The following IFNAR1 variants were observed in gnomAD, a reference collection of about 807,000 sequenced individuals.
The protein encoded by IFNAR1 is interferon alpha and beta receptor subunit 1, also known as interferon alpha/beta receptor 1.
In IFNAR1, 47 loss-of-function variants were observed where a neutral mutation model predicts 62.1. That is an observed-to-expected ratio of 0.76 (90% CI 0.60 to 0.97). IFNAR1 has a LOEUF of 0.97. Among genes scored for constraint, IFNAR1 ranks in the 50% least tolerant of loss-of-function variants. IFNAR1 has a pLI of 0.00. For synonymous variants in IFNAR1, 219 were observed against 226.9 expected (o/e 0.97, Z 0.31); for missense variants, 638 against 654.5 (o/e 0.97, Z 0.27).
At chr21:33,335,683 C>A in intron 2 of IFNAR1, 36 bp downstream of exon 2, 2 of 1,461,470 alleles carry the variant, frequency 1.4e-6, no homozygotes, top group Non-Finnish European at 1.8e-6. Context: ...TCAGAATGAC[C>A]TGAATAATTT....
In IFNAR1 at chr21:33,358,458, T is replaced by C. The variant is rs568085067; in HGVS notation, c.*2909T>C. 3.3e-5 allele frequency: 5 copies of C among 152,128 alleles called. No homozygotes were observed. The highest frequency in any genetic ancestry group is 3.4e-3 in the Middle Eastern group (1 of 294). 9.4% of individuals were successfully genotyped at this position (152,128 alleles called of 1,614,324 possible). A position where few individuals can be genotyped will look rare whatever the true frequency, so the allele number is the denominator to read the frequency against. On this transcript the variant is annotated 3_prime_UTR_variant, in exon 11 of 11. Transcript: ENST00000270139. The stretch of plus-strand genomic sequence containing the variant: ...ATTAGAGCCAGAAATAATTTTATAT[T>C]AATATATAATACAGATTAACATTAT...
chr21:33,325,234 G>A (rs1350300762), intron 1 of IFNAR1, 103 bp downstream of exon 1: 1 of 991,228 alleles, frequency 1.0e-6, no homozygotes, highest in South Asian at 1.4e-5. Flanking sequence ...GCCCAGTCTG[G>A]GAAACCTTCG....
At chr21:33,327,312 GATATA>G (rs1265235168) in intron 1 of IFNAR1, among the ~76,000 whole-genome samples, 1 of 152,206 alleles carries the variant, frequency 6.6e-6, no homozygotes, top group African/African-American at 2.4e-5. Flanking sequence ...CAGGTGGCAA[GATATA>G]ATTTATAGGC....
intron 1 of IFNAR1, among the ~76,000 whole-genome samples, chr21:33,330,952 A>C (rs984038052): frequency 1.3e-5 from 2 of 152,220 alleles, no homozygotes; most frequent in Non-Finnish European, 2.9e-5. Context: ...CCAGAGAAGG[A>C]GCCAACACTG....
Position 33,343,632 on chromosome 21 carries a change from G to A in IFNAR1, c.629G>A (p.Trp210Ter). 6.2e-7 allele frequency: 1 copy of A among 1,609,084 alleles called. No individual in the cohort carries two copies. The highest frequency in any genetic ancestry group is 8.5e-7 in the Non-Finnish European group (1 of 1,175,728). Reference sequence around the variant, plus strand: ...GTTAAAGCAGCACTACTTACGTCATGGAAAATTGGTGTCTATAGTCCAGTA... The same window carrying A: ...GTTAAAGCAGCACTACTTACGTCATAGAAAATTGGTGTCTATAGTCCAGTA... ...LKVKAALLTS[W>*]KIGVYSPVHC... Residue 210 changes from tryptophan to a stop codon, truncating the protein, a stop_gained, in exon 5 of 11, where the codon TGG (tryptophan) becomes TAG (stop). Coordinates refer to ENST00000270139, the MANE Select transcript of IFNAR1 (RefSeq NM_000629.3). LOFTEE classifies it high-confidence loss of function.
At position 33,349,208 on chromosome 21, in the gene IFNAR1, T is replaced by C; in HGVS notation, c.906T>C (p.Ile302=). 1.2e-6 allele frequency: 2 copies of C among 1,613,594 alleles called. No homozygotes were observed. The highest frequency in any genetic ancestry group is 1.7e-6 in the Non-Finnish European group (2 of 1,179,676). Residue 302 remains isoleucine (I), a synonymous_variant, in exon 7 of 11, where the codon ATT becomes ATC. Transcript: ENST00000270139. ...VFPQNVFQKG[I]YLLRVQASDG... is the part of the protein sequence containing the mutation. ...CTCAAAACGTTTTCCAAAAAGGAAT[T>C]TACCTTCTCCGCGTACAAGCATCTG... is the stretch of plus-strand genomic sequence containing the variant.
chr21:33,325,260 C>A, intron 1 of IFNAR1, 129 bp downstream of exon 1: 1 of 812,866 alleles, frequency 1.2e-6, no homozygotes, highest in Non-Finnish European at 2.0e-6. Flanking sequence ...CTTTGCCGCG[C>A]CAAAGATTAA....
chr21:33,330,989 C>T lies in IFNAR1; in HGVS notation c.77-4535C>T, dbSNP rs115096275. On this transcript the variant is annotated intron_variant, in intron 1 of 10. Coordinates refer to ENST00000270139, the MANE Select transcript of IFNAR1 (RefSeq NM_000629.3). ...GCTCCACCTGCTGTGGCCCACACAG[C>T]TACTGTGCCACTCCACCTTGGAACT... Among the ~76,000 whole-genome samples the T allele has an allele frequency of 2.0e-3, 306 of 152,328 alleles. 1 individual carries two copies. Among genetic ancestry groups the T allele is most frequent in the African/African-American group, 6.9e-3 (288 of 41,570 alleles).
rs1416534790 is a variant in IFNAR1, at chr21:33,343,639, T to G, written c.636T>G (p.Ile212Met). 1.2e-6 allele frequency: 2 copies of G among 1,609,518 alleles called. No homozygotes were observed. ...VKAALLTSWKIGVYSPVHCIK... is the reference protein window; with the variant it reads ...VKAALLTSWKMGVYSPVHCIK... ...CAGCACTACTTACGTCATGGAAAAT[T>G]GGTGTCTATAGTCCAGTACATTGTA... is the stretch of plus-strand genomic sequence containing the variant. Residue 212 changes from isoleucine to methionine, a missense_variant, in exon 5 of 11, where the codon ATT (isoleucine) becomes ATG (methionine). Transcript: ENST00000270139.
chr21:33,341,135 T>C lies in IFNAR1; in HGVS notation c.337T>C (p.Ser113Pro). ...RIRAEKENTS[S>P]WYEVDSFTPF... ...AAGAGCAGAAAAAGAAAACACTTCT[T>C]CATGGTATGAGGTTGACTCATTTAC... is the stretch of plus-strand genomic sequence containing the variant. The change falls in exon 3 of 11, where the codon TCA becomes CCA. Residue 113 changes from serine (S) to proline (P), a missense_variant. Ser to Pro is a moderately conservative substitution (Grantham distance 74). Transcript: ENST00000270139. 6.2e-7 allele frequency: 1 copy of C among 1,613,526 alleles called. No homozygotes were observed. The highest frequency in any genetic ancestry group is 8.5e-7 in the Non-Finnish European group (1 of 1,179,684).
rs1178108259 is a variant in IFNAR1 at position 33,349,226 on chromosome 21, A to G, written c.924A>G (p.Gln308=). Reference sequence around the variant, plus strand: ...AAGGAATTTACCTTCTCCGCGTACAAGCATCTGATGGAAATAACACATCTT... The same window carrying G: ...AAGGAATTTACCTTCTCCGCGTACAGGCATCTGATGGAAATAACACATCTT... The part of the protein sequence containing the change: ...FQKGIYLLRV[Q]ASDGNNTSFW... Residue 308 remains glutamine, a synonymous_variant, in exon 7 of 11, where the codon CAA becomes CAG. Transcript: ENST00000270139. 2 of 1,613,690 alleles carry G rather than the reference A, an allele frequency of 1.2e-6. No individual in the cohort carries two copies. Among genetic ancestry groups the G allele is most frequent in the South Asian group, 2.2e-5 (2 of 90,970 alleles).
intron 1 of IFNAR1, among the ~76,000 whole-genome samples, chr21:33,333,202 T>C (rs2083197875): frequency 6.6e-6 from 1 of 152,224 alleles, no homozygotes; most frequent in Non-Finnish European, 1.5e-5. Context: ...TGGGATGATA[T>C]ACTCAAACAG....
chr21:33,340,216 A>G (rs2083281128), intron 2 of IFNAR1, among the ~76,000 whole-genome samples: 2 of 152,130 alleles, frequency 1.3e-5, no homozygotes, highest in South Asian at 4.1e-4. Context: ...AGGCAAGCAG[A>G]AGGGATGGTT....
At chr21:33,327,126 G>A (rs1052513495) in intron 1 of IFNAR1, among the ~76,000 whole-genome samples, 6 of 152,100 alleles carry the variant, frequency 3.9e-5, no homozygotes, top group Admixed American at 1.3e-4. Flanking sequence ...TAGGATGTGG[G>A]TACTAGGGTC....
At chr21:33,327,150 T>G (rs1011065727) in intron 1 of IFNAR1, among the ~76,000 whole-genome samples, 2 of 152,198 alleles carry the variant, frequency 1.3e-5, no homozygotes, top group Non-Finnish European at 2.9e-5. Flanking sequence ...GTGCATCCCA[T>G]AGTAATTTCT....
intron 5 of IFNAR1, 23 bp from the exon 6 acceptor site, chr21:33,345,223 T>C (rs773818134): frequency 5.2e-6 from 6 of 1,164,630 alleles, no homozygotes; most frequent in Non-Finnish European, 6.4e-6. Context: ...TGTGCTTTTT[T>C]TTATCTGTTC....
At chr21:33,326,567 A>C (rs2083128942) in intron 1 of IFNAR1, among the ~76,000 whole-genome samples, 1 of 152,220 alleles carries the variant, frequency 6.6e-6, no homozygotes, top group East Asian at 1.9e-4. Flanking sequence ...TACAGTTGGC[A>C]TCCCCTTGTT....
intron 10 of IFNAR1, 141 bp downstream of exon 10, chr21:33,353,924 T>C (rs2254180): frequency 0.19 from 111,167 of 575,530 alleles, 11,899 homozygotes; most frequent in East Asian, 0.33. Context: ...AAAGCTTTAG[T>C]CAATTAACTT....
At chr21:33,343,774 T>C (rs1332610184) in intron 5 of IFNAR1, 98 bp downstream of exon 5, 1 of 727,804 alleles carries the variant, frequency 1.4e-6, no homozygotes, top group Non-Finnish European at 2.3e-6. Flanking sequence ...GATAGGTCAA[T>C]ATATGTTAAA....
Sources: gnomAD v4.1 joint callset for allele counts (sites outside exome capture counted in the v4.1 genomes callset) on GRCh38, gnomAD v4.1.1 for gene constraint, MANE v1.5 for transcripts, NCBI Gene and HGNC (gene_info 2026-07-23, HGNC 2026-07-21) for gene names.